Variants in ZDHHC6 observed in about 807,000 individuals in gnomAD.
ZDHHC6 encodes the protein zDHHC palmitoyltransferase 6.
ZDHHC6 carries 32 observed loss-of-function variants against 57.8 expected under a neutral mutation model. The observed-to-expected ratio is 0.55, with a 90% CI of 0.42 to 0.74. The LOEUF (loss-of-function observed/expected upper bound fraction) is 0.74, where lower values mean the gene tolerates loss of function less well. Among genes scored for constraint, ZDHHC6 ranks in the 30% least tolerant of loss-of-function variants. The pLI, the probability that ZDHHC6 is intolerant of heterozygous loss-of-function variation, is 0.00. For synonymous variants in ZDHHC6, 128 were observed against 158.0 expected (o/e 0.81, Z 1.42); for missense variants, 433 against 500.7 (o/e 0.86, Z 1.29).
upstream of ZDHHC6, chr10:112,446,927 C>T (rs1846830118): frequency 4.8e-6 from 1 of 209,728 alleles, no homozygotes; most frequent in African/African-American, 2.3e-5. Context: ...CGCTCAGGCC[C>T]CCTGCGCAGT....
downstream of ZDHHC6, chr10:112,426,312 G>A (rs1346578793): frequency 1.9e-6 from 3 of 1,614,092 alleles, no homozygotes; most frequent in Non-Finnish European, 2.5e-6. Flanking sequence ...CTCATTTGCA[G>A]CCAAGCTTGG....
chr10:112,425,314 G>A, downstream of ZDHHC6: 1 of 1,584,062 alleles, frequency 6.3e-7, no homozygotes, highest in Non-Finnish European at 8.6e-7. Context: ...CAAAAATACT[G>A]ATACTTTTAT....
rs1181097105 is a variant in ZDHHC6, at chr10:112,445,457, T to A, written c.-21A>T. On this transcript the variant is annotated 5_prime_UTR_variant, in exon 2 of 11. Transcript: ENST00000369405. ...CCCATTTTGGCAAGGAAGAATGCCT[T>A]CCTACTTTAAAAGAATTATAGATTT... is the stretch of plus-strand genomic sequence containing the variant. The A allele has an allele frequency of 6.2e-7, 1 of 1,605,514 alleles. No homozygotes were observed. Among genetic ancestry groups the A allele is most frequent in the South Asian group, 1.1e-5 (1 of 90,516 alleles).
chr10:112,429,888 G>C (rs943858590), downstream of ZDHHC6, among the ~76,000 whole-genome samples: 2 of 150,682 alleles, frequency 1.3e-5, no homozygotes, highest in Non-Finnish European at 3.0e-5. Flanking sequence ...CACCTGGCCA[G>C]GTCCTCACAG....
chr10:112,427,228 T>G, downstream of ZDHHC6: 3 of 1,611,520 alleles, frequency 1.9e-6, no homozygotes, highest in Non-Finnish European at 2.5e-6. Context: ...GTCAAAGCCA[T>G]TTTTCTTCAT....
At chr10:112,426,067 T>A (rs1019760325), downstream of ZDHHC6, among the ~76,000 whole-genome samples, 3 of 141,634 alleles carry the variant, frequency 2.1e-5, no homozygotes, top group African/African-American at 8.0e-5. Flanking sequence ...TGTAATGAGA[T>A]ATTGAGTGGG....
chr10:112,446,549 C>A (rs1267784689), intron 1 of ZDHHC6, 156 bp downstream of exon 1: 1 of 152,166 alleles, frequency 6.6e-6, no homozygotes, highest in African/African-American at 2.4e-5. Flanking sequence ...GTTTCCCGCC[C>A]GAGTCATGGA....
In ZDHHC6 at chr10:112,430,627, T is replaced by C; in HGVS notation, c.*177A>G. Reference sequence around the variant, plus strand: ...AGAGGGGCAGGAATTCAAAGGCATATGCAGAATGGCTTCTCCATTTCAAAA... The same window carrying C: ...AGAGGGGCAGGAATTCAAAGGCATACGCAGAATGGCTTCTCCATTTCAAAA... On this transcript the variant is annotated 3_prime_UTR_variant, in exon 11 of 11. Transcript: ENST00000369405. 1.9e-6 allele frequency: 1 copy of C among 525,330 alleles called. No individual in the cohort carries two copies. The highest frequency in any genetic ancestry group is 3.3e-6 in the Non-Finnish European group (1 of 302,014). 32.5% of individuals were successfully genotyped at this position (525,330 alleles called of 1,614,324 possible). A position where few individuals can be genotyped will look rare whatever the true frequency, so the allele number is the denominator to read the frequency against.
Position 112,434,364 on chromosome 10 carries a change from G to T in ZDHHC6, c.836C>A (p.Ser279Ter). 6.2e-7 allele frequency: 1 copy of T among 1,613,850 alleles called. No individual in the cohort carries two copies. The highest frequency in any genetic ancestry group is 1.1e-5 in the South Asian group (1 of 91,054). The change falls in exon 7 of 11, where the codon TCA (serine) becomes TAA (stop). Residue 279 changes from serine to a stop codon, truncating the protein, a stop_gained. Transcript: ENST00000369405. LOFTEE classifies it high-confidence loss of function. The stretch of plus-strand genomic sequence containing the variant: ...AAGTCCATCTCCTTCAGGGACCCCT[G>T]ACCACGTAAATACCTGTTTAAAGTT... ...WRNFKQVFTW[S>*]GVPEGDGLEW...
At chr10:112,433,020 T>A (rs1435074559) in intron 8 of ZDHHC6, among the ~76,000 whole-genome samples, 1 of 152,250 alleles carries the variant, frequency 6.6e-6, no homozygotes, top group Non-Finnish European at 1.5e-5. Flanking sequence ...ATTATTTTCC[T>A]ATGTTGGCAA....
At chr10:112,438,418 T>C (rs772405523) in intron 5 of ZDHHC6, 29 bp from the exon 6 acceptor site, 16 of 1,340,714 alleles carry the variant, frequency 1.2e-5, no homozygotes, top group African/African-American at 1.5e-5. Flanking sequence ...TAAAATTTAA[T>C]AATGCGACCT....
Position 112,440,665 on chromosome 10 carries a change from C to A in ZDHHC6, c.550G>T (p.Asp184Tyr), listed in dbSNP as rs778187892. 6 of 1,613,486 alleles carry A rather than the reference C, an allele frequency of 3.7e-6. No individual in the cohort carries two copies. Among genetic ancestry groups the A allele is most frequent in the South Asian group, 1.1e-5 (1 of 90,992 alleles). The change falls in exon 5 of 11, where the codon GAC (aspartate) becomes TAC (tyrosine). Residue 184 changes from aspartate to tyrosine, a missense_variant. Coordinates refer to ENST00000369405, the MANE Select transcript of ZDHHC6 (RefSeq NM_022494.3). ...GGATCTCTCCGGGCTGCACTCATGT[C>A]GATCTTCACTGTGTTCCACCCAAAG... ...LSFGWNTVKIDMSAARRDPLP... is the reference protein window; with the variant it reads ...LSFGWNTVKIYMSAARRDPLP...
chr10:112,444,229 C>T (rs1846425137), intron 2 of ZDHHC6, among the ~76,000 whole-genome samples: 1 of 152,148 alleles, frequency 6.6e-6, no homozygotes, highest in South Asian at 2.1e-4. Flanking sequence ...TGATCTTTTC[C>T]CCAGTCACAC....
downstream of ZDHHC6, chr10:112,427,976 C>T (rs901718948): frequency 5.8e-5 from 9 of 154,788 alleles, no homozygotes; most frequent in African/African-American, 1.9e-4. Flanking sequence ...ATTTCCTAAA[C>T]TCTCTAGTTA....
chr10:112,436,145 G>A (rs1845506573), intron 6 of ZDHHC6, among the ~76,000 whole-genome samples: 1 of 152,166 alleles, frequency 6.6e-6, no homozygotes, highest in Non-Finnish European at 1.5e-5. Flanking sequence ...GTGAGACAGG[G>A]TAGAGAAGGG....
chr10:112,445,964 C>G (rs969209216), intron 1 of ZDHHC6, among the ~76,000 whole-genome samples: 1 of 152,164 alleles, frequency 6.6e-6, no homozygotes, highest in Non-Finnish European at 1.5e-5. Context: ...ATTTTAGGAC[C>G]TTAGAGTTGA....
At chr10:112,439,755 T>G (rs1054009850) in intron 5 of ZDHHC6, among the ~76,000 whole-genome samples, 1 of 150,428 alleles carries the variant, frequency 6.6e-6, no homozygotes, top group Non-Finnish European at 1.5e-5. Flanking sequence ...AAATCTATGA[T>G]GTACATATGG....
chr10:112,443,999 C>A (rs560471684), intron 2 of ZDHHC6, among the ~76,000 whole-genome samples: 131 of 152,262 alleles, frequency 8.6e-4, no homozygotes, highest in African/African-American at 2.9e-3. Context: ...TACCCGTCAC[C>A]ACCCCTTTCT....
In ZDHHC6 at chr10:112,440,565, G is replaced by A. The variant is rs867273982; in HGVS notation, c.650C>T (p.Thr217Ile). Reference sequence around the variant, plus strand: ...AAAAAACAACATCCCAACAGCTATGGTTGTTCCTAAAGCTAATCCCAAGGC... The same window carrying A: ...AAAAAACAACATCCCAACAGCTATGATTGTTCCTAAAGCTAATCCCAAGGC... ...LFALGLALGT[T>I]IAVGMLFFIQ... Residue 217 changes from threonine to isoleucine, a missense_variant, in exon 5 of 11, where the codon ACC (threonine) becomes ATC (isoleucine). Thr to Ile is a moderately conservative substitution (Grantham distance 89, BLOSUM62 -1). Transcript: ENST00000369405. 26 of 1,613,750 alleles carry A rather than the reference G, an allele frequency of 1.6e-5. No homozygotes were observed. In the Admixed American group the frequency reaches 1.7e-4, roughly 10 times the overall value.
Sources: allele counts gnomAD v4.1 joint callset (sites outside exome capture counted in the v4.1 genomes callset), GRCh38; gene constraint gnomAD v4.1.1; transcripts MANE v1.5; gene names NCBI Gene and HGNC (gene_info 2026-07-23, HGNC 2026-07-21).